TSGA10: variants seen among roughly 807,000 people sequenced by gnomAD.
The protein encoded by TSGA10 is testis-specific gene 10 protein.
TSGA10 carries 43 observed loss-of-function variants against 96.6 expected under a neutral mutation model. The observed-to-expected ratio is 0.44, with a 90% CI of 0.35 to 0.57. The LOEUF is 0.57. TSGA10 is among the 20% of genes least tolerant of loss of function. The pLI is 0.01. For missense variants in TSGA10, 703 were observed against 834.4 expected (o/e 0.84, Z 1.94); for synonymous variants, 229 against 269.9 (o/e 0.85, Z 1.48).
chr2:99,141,047 C>A, intron 1 of TSGA10: 1 of 1,256,324 alleles, frequency 8.0e-7, no homozygotes, highest in South Asian at 1.3e-5. Flanking sequence ...CCAGTAGCAG[C>A]ACTCTCCCCA....
chr2:99,034,760 G>A (rs182479193), intron 17 of TSGA10, among the ~76,000 whole-genome samples: 42 of 151,990 alleles, frequency 2.8e-4, no homozygotes, highest in African/African-American at 1.0e-3. Flanking sequence ...CAAATTATTT[G>A]TATGTCAATG....
rs373623980 is a variant in TSGA10, at chr2:99,073,006, C to T, written c.938+12G>A. 4.7e-5 allele frequency: 76 copies of T among 1,600,450 alleles called. No individual in the cohort carries two copies. Among genetic ancestry groups the T allele is most frequent in the African/African-American group, 1.2e-4 (9 of 74,606 alleles). On this transcript the variant is annotated intron_variant, in intron 13 of 20. Transcript: ENST00000393483. ...AGTAAGAGCTCATATATTTGTTGCACGACTGATTTACCTTGATGCCTGTTC... is the reference window on the plus strand; with the variant it reads ...AGTAAGAGCTCATATATTTGTTGCATGACTGATTTACCTTGATGCCTGTTC...
intron 12 of TSGA10, among the ~76,000 whole-genome samples, chr2:99,075,380 T>C (rs954144573): frequency 1.1e-4 from 17 of 152,216 alleles, no homozygotes; most frequent in Admixed American, 6.5e-5. Flanking sequence ...TATAACTTTA[T>C]TCAAATAATT....
intron 10 of TSGA10, among the ~76,000 whole-genome samples, chr2:99,098,750 T>C (rs2090377658): frequency 6.6e-6 from 1 of 152,102 alleles, no homozygotes; most frequent in Non-Finnish European, 1.5e-5. Flanking sequence ...AATAACATTA[T>C]ACTAAACATC....
intron 1 of TSGA10, among the ~76,000 whole-genome samples, chr2:99,130,148 G>A (rs572808838): frequency 1.3e-5 from 2 of 152,278 alleles, no homozygotes; most frequent in South Asian, 4.1e-4. Context: ...TATATACCCA[G>A]TAATGGGATT....
intron 2 of TSGA10, among the ~76,000 whole-genome samples, chr2:99,123,916 T>C (rs1437700308): frequency 1.3e-5 from 2 of 152,264 alleles, no homozygotes; most frequent in Non-Finnish European, 2.9e-5. Context: ...TCTTGGCTAC[T>C]GTGAATAATG....
chr2:99,039,514 T>C (rs888992209), intron 16 of TSGA10, among the ~76,000 whole-genome samples: 3 of 151,922 alleles, frequency 2.0e-5, no homozygotes, highest in African/African-American at 7.2e-5. Flanking sequence ...CATTGTTACA[T>C]GCATAAACTA....
At chr2:99,073,712 GAGT>G (rs1032625711) in intron 12 of TSGA10, among the ~76,000 whole-genome samples, 1 of 152,066 alleles carries the variant, frequency 6.6e-6, no homozygotes, top group Non-Finnish European at 1.5e-5. Context: ...CGTGATGAGG[GAGT>G]AGAAGTAGTG....
intron 15 of TSGA10, among the ~76,000 whole-genome samples, chr2:99,067,019 A>C (rs2085332437): frequency 6.6e-6 from 1 of 152,214 alleles, no homozygotes; most frequent in Admixed American, 6.5e-5. Flanking sequence ...TAAATAACTT[A>C]TATGTTTTAG....
At chr2:99,152,959 G>A (rs922189618) in intron 1 of TSGA10, among the ~76,000 whole-genome samples, 1 of 152,198 alleles carries the variant, frequency 6.6e-6, no homozygotes, top group Non-Finnish European at 1.5e-5. Flanking sequence ...ATGGTACTTA[G>A]AGCCATAGAA....
At chr2:99,141,484 GGAGCGACGCGTACGT>G (rs1253344193) in intron 1 of TSGA10, 12 of 158,562 alleles carry the variant, frequency 7.6e-5, no homozygotes, top group Non-Finnish European at 1.1e-4. Flanking sequence ...TCCTACGCAC[GGAGCGACGCGTACGT>G]CTACCTGCCT....
intron 10 of TSGA10, among the ~76,000 whole-genome samples, chr2:99,100,322 A>C: frequency 6.6e-6 from 1 of 152,238 alleles, no homozygotes; most frequent in East Asian, 1.9e-4. Context: ...GTAATGGTAC[A>C]AGAACCATGT....
intron 20 of TSGA10, among the ~76,000 whole-genome samples, chr2:99,007,058 C>T (rs771442125): frequency 1.2e-4 from 18 of 151,874 alleles, no homozygotes; most frequent in Non-Finnish European, 1.9e-4. Context: ...AACCAAACAC[C>T]GCATGTTCTC....
chr2:99,037,464 A>C (rs2081744022), intron 16 of TSGA10, among the ~76,000 whole-genome samples: 1 of 152,254 alleles, frequency 6.6e-6, no homozygotes, highest in African/African-American at 2.4e-5. Flanking sequence ...TTAAAATATA[A>C]CTTACCAAAA....
In TSGA10 at chr2:99,117,758, A is replaced by G. The variant is rs2092353589; in HGVS notation, c.-354T>C. 12 of 984,334 alleles carry G rather than the reference A, an allele frequency of 1.2e-5. No homozygotes were observed. The highest frequency in any genetic ancestry group is 1.4e-5 in the Non-Finnish European group (12 of 828,622). 61.0% of individuals were successfully genotyped at this position (984,334 alleles called of 1,614,324 possible). On this transcript the variant is annotated splice_region_variant and 5_prime_UTR_variant, in exon 4 of 21. Coordinates refer to ENST00000393483, the MANE Select transcript of TSGA10 (RefSeq NM_025244.4). ...ATGATTTGTCTGTTTGAGATCTTCA[A>G]TCTGTTATTATCAGAAAAAAAATCA... is the stretch of plus-strand genomic sequence containing the variant.
Position 99,153,207 on chromosome 2 carries a change from G to A in TSGA10, c.-621+1486C>T, listed in dbSNP as rs552140762. Among the ~76,000 whole-genome samples, 9 of 152,310 alleles carry A rather than the reference G, an allele frequency of 5.9e-5. 1 individual carries two copies. In the South Asian group the frequency reaches 1.9e-3, roughly 32 times the overall value. The stretch of plus-strand genomic sequence containing the variant: ...TAGATGAATACTGAAAAGTCCAGTG[G>A]ATCTAGCAATATGAATGTCACCCGT... On this transcript the variant is annotated intron_variant, in intron 1 of 20. Transcript: ENST00000393483.
At chr2:99,051,827 A>T (rs2083423001) in intron 16 of TSGA10, among the ~76,000 whole-genome samples, 1 of 152,096 alleles carries the variant, frequency 6.6e-6, no homozygotes, top group African/African-American at 2.4e-5. Context: ...ATAACAGAAA[A>T]AAAGGGGAAA....
intron 20 of TSGA10, among the ~76,000 whole-genome samples, chr2:99,007,867 A>G (rs745535601): frequency 2.0e-5 from 3 of 152,216 alleles, no homozygotes; most frequent in Non-Finnish European, 4.4e-5. Flanking sequence ...AAAATACCAC[A>G]TAGCCTCTAT....
chr2:99,072,017 T>G (rs1037476796), intron 13 of TSGA10, 143 bp from the exon 14 acceptor site: 1 of 680,898 alleles, frequency 1.5e-6, no homozygotes, highest in African/African-American at 1.8e-5. Context: ...GAATAAATAC[T>G]GCAAAGACAG....
Sources: allele counts gnomAD v4.1 joint callset (sites outside exome capture counted in the v4.1 genomes callset), GRCh38; gene constraint gnomAD v4.1.1; transcripts MANE v1.5; gene names NCBI Gene and HGNC (gene_info 2026-07-23, HGNC 2026-07-21).